The following ACSF3 variants were observed in gnomAD, a reference collection of about 807,000 sequenced individuals.
ACSF3 encodes the protein acyl-CoA synthetase family member 3.
Under a neutral mutation model 53.2 loss-of-function variants are expected in ACSF3, and 78 were observed. The observed-to-expected ratio is 1.47, with a 90% CI of 1.22 to 1.77. The LOEUF (loss-of-function observed/expected upper bound fraction) is 1.77. ACSF3 is among the 40% of genes most tolerant of loss of function. The pLI, the probability that ACSF3 is intolerant of heterozygous loss-of-function variation, is 0.00. For missense variants in ACSF3, 937 were observed against 771.1 expected (o/e 1.22, Z -2.55); for synonymous variants, 414 against 333.1 (o/e 1.24, Z -2.65).
At chr16:89,153,726 G>C (rs1914394548) in intron 10 of ACSF3, 1 of 345,960 alleles carries the variant, frequency 2.9e-6, no homozygotes, top group Non-Finnish European at 5.6e-6. Context: ...AGAGTGAAAT[G>C]GGGCCTTCCA....
At chr16:89,108,374 T>C (rs1976272880) in intron 4 of ACSF3, among the ~76,000 whole-genome samples, 2 of 152,368 alleles carry the variant, frequency 1.3e-5, no homozygotes, top group African/African-American at 4.8e-5. Flanking sequence ...TCAATAGTTC[T>C]TGTAGTGCAG....
Position 89,145,379 on chromosome 16 carries a change from G to T in ACSF3, c.1479G>T (p.Leu493=). ...KVSALEVEWH[L]LAHPSITDVA... ...GCGCCCTGGAGGTGGAGTGGCACCT[G>T]CTGGCCCACCCCAGCATCACAGGTG... The change falls in exon 9 of 11, where the codon CTG becomes CTT. Residue 493 remains leucine (L), a synonymous_variant. Coordinates refer to ENST00000614302, the MANE Select transcript of ACSF3 (RefSeq NM_001243279.3). 1 of 1,614,150 alleles carries T rather than the reference G, an allele frequency of 6.2e-7. No individual in the cohort carries two copies. Among genetic ancestry groups the T allele is most frequent in the Non-Finnish European group, 8.5e-7 (1 of 1,180,014 alleles).
At chr16:89,133,105 C>T (rs775351320) in intron 7 of ACSF3, 31 bp from the exon 8 acceptor site, 9 of 1,612,718 alleles carry the variant, frequency 5.6e-6, no homozygotes, top group Non-Finnish European at 7.6e-6. Context: ...GTGTGCCCAG[C>T]TCTGACCTCC....
At chr16:89,107,976 G>A (rs1247596048) in intron 4 of ACSF3, among the ~76,000 whole-genome samples, 5 of 152,218 alleles carry the variant, frequency 3.3e-5, no homozygotes. Context: ...TGGCTGGGGA[G>A]GCCTCAGAAT....
chr16:89,126,754 AAC>A (rs1676524487), intron 7 of ACSF3, among the ~76,000 whole-genome samples: 1 of 152,236 alleles, frequency 6.6e-6, no homozygotes, highest in Non-Finnish European at 1.5e-5. Context: ...TGCAAATACA[AAC>A]AGTTTTATTT....
chr16:89,145,047 C>G (rs1024232290), intron 8 of ACSF3: 9 of 1,290,134 alleles, frequency 7.0e-6, no homozygotes, highest in Middle Eastern at 2.6e-4. Flanking sequence ...ACATCATGGG[C>G]ACAGTCCCAC....
Position 89,101,132 on chromosome 16 carries a change from G to T in ACSF3, c.451G>T (p.Glu151Ter), listed in dbSNP as rs752338222. The T allele has an allele frequency of 2.2e-5, 35 of 1,613,998 alleles. 1 individual carries two copies. The South Asian group carries it at 3.8e-4, about 18-fold the overall frequency. The change falls in exon 3 of 11, where the codon GAG becomes TAG. Residue 151 changes from glutamate to a stop codon, truncating the protein, a stop_gained. Coordinates refer to ENST00000614302, the MANE Select transcript of ACSF3 (RefSeq NM_001243279.3). LOFTEE classifies it high-confidence loss of function. ...GAGCTCTGTGGTCCTTGCCAGCCAG[G>T]AGTACCTGGAGCTCCTGAGCCCGGT... ...SQSSVVLASQ[E>*]YLELLSPVVR...
intron 7 of ACSF3, among the ~76,000 whole-genome samples, chr16:89,132,178 C>G (rs1176884542): frequency 6.6e-6 from 1 of 152,274 alleles, no homozygotes; most frequent in African/African-American, 2.4e-5. Flanking sequence ...TCCCTGGCCC[C>G]TGGTTTTCTG....
At chr16:89,147,015 G>A (rs1238788343) in intron 10 of ACSF3, among the ~76,000 whole-genome samples, 1 of 151,874 alleles carries the variant, frequency 6.6e-6, no homozygotes, top group Non-Finnish European at 1.5e-5. Flanking sequence ...GGTATAATTG[G>A]CTCATGGTTC....
intron 10 of ACSF3, chr16:89,150,867 A>G (rs973453021): frequency 1.4e-6 from 1 of 723,752 alleles, no homozygotes; most frequent in Non-Finnish European, 2.0e-6. Context: ...GTGCTTGTCC[A>G]TTCACCATGA....
intron 1 of ACSF3, 149 bp from the exon 2 acceptor site, chr16:89,098,442 G>A (rs1250667747): frequency 4.5e-5 from 16 of 351,692 alleles, no homozygotes; most frequent in Middle Eastern, 1.0e-3. Context: ...GCCCGTTGTC[G>A]GGAGATAAGG....
At chr16:89,109,706 C>T (rs1348464986) in intron 4 of ACSF3, among the ~76,000 whole-genome samples, 4 of 152,184 alleles carry the variant, frequency 2.6e-5, no homozygotes, top group Non-Finnish European at 4.4e-5. Context: ...GCCCGCCGCA[C>T]CCGGCCAGAT....
chr16:89,149,078 C>T (rs967852033), intron 10 of ACSF3: 4 of 152,222 alleles, frequency 2.6e-5, no homozygotes, highest in African/African-American at 7.2e-5. Flanking sequence ...CATCTCTTTG[C>T]TCATGCTTAA....
At chr16:89,126,134 A>G (rs568641931) in intron 7 of ACSF3, among the ~76,000 whole-genome samples, 27 of 152,338 alleles carry the variant, frequency 1.8e-4, no homozygotes, top group Non-Finnish European at 2.8e-4. Context: ...TCTGTGTTGT[A>G]TTCAGCATAT....
intron 4 of ACSF3, among the ~76,000 whole-genome samples, chr16:89,109,498 G>A (rs1477965800): frequency 2.4e-5 from 3 of 123,688 alleles, no homozygotes; most frequent in African/African-American, 6.1e-5. Context: ...TGCAATCTCC[G>A]CCTCCTGGGT....
At chr16:89,130,778 T>G (rs1909114763) in intron 7 of ACSF3, among the ~76,000 whole-genome samples, 1 of 152,190 alleles carries the variant, frequency 6.6e-6, no homozygotes, top group Non-Finnish European at 1.5e-5. Flanking sequence ...TCACCAAATT[T>G]TGGGTTTTTA....
chr16:89,126,032 A>G, intron 7 of ACSF3, among the ~76,000 whole-genome samples: 1 of 152,230 alleles, frequency 6.6e-6, no homozygotes, highest in East Asian at 1.9e-4. Flanking sequence ...ATGTTTCTCC[A>G]TTTACATAGA....
chr16:89,147,286 AGTGT>A (rs1913191565), intron 10 of ACSF3, among the ~76,000 whole-genome samples: 1 of 81,134 alleles, frequency 1.2e-5, no homozygotes, highest in Non-Finnish European at 2.3e-5. Context: ...GAGGGGCCAC[AGTGT>A]GAGTGAGGGA....
chr16:89,100,292 C>G (rs1319726860), intron 2 of ACSF3, among the ~76,000 whole-genome samples: 1 of 152,256 alleles, frequency 6.6e-6, no homozygotes, highest in Non-Finnish European at 1.5e-5. Flanking sequence ...CTCTGCACTT[C>G]CCCCTCTCAC....
Sources: allele counts gnomAD v4.1 joint callset (sites outside exome capture counted in the v4.1 genomes callset), GRCh38; gene constraint gnomAD v4.1.1; transcripts MANE v1.5; gene names NCBI Gene and HGNC (gene_info 2026-07-23, HGNC 2026-07-21).